SLC26A5: variants seen among roughly 807,000 people sequenced by gnomAD.
SLC26A5 encodes solute carrier family 26 member 5.
Under a neutral mutation model 81.0 loss-of-function variants are expected in SLC26A5, and 51 were observed. The observed-to-expected ratio is 0.63, with a 90% CI of 0.50 to 0.80. SLC26A5 has a LOEUF of 0.80. Ranked by LOEUF, SLC26A5 falls within the 30% of genes least tolerant of loss-of-function variation. The probability of loss-of-function intolerance (pLI) is 0.00; values close to 1 mark genes in which losing one functional copy is unlikely to be tolerated. For synonymous variants in SLC26A5, 325 were observed against 332.8 expected, an observed-to-expected ratio of 0.98 and a Z score of 0.25; for missense variants, 771 against 905.8, an observed-to-expected ratio of 0.85 and a Z score of 1.91.
At chr7:103,380,681 T>C (rs926604377) in intron 14 of SLC26A5, 132 bp from the exon 15 acceptor site, 2 of 772,500 alleles carry the variant, frequency 2.6e-6, no homozygotes, top group African/African-American at 3.4e-5. Flanking sequence ...CATGGTGCCT[T>C]TGCAGAAGGG....
chr7:103,374,420 A>C lies in SLC26A5; in HGVS notation c.2214T>G (p.Thr738=). 6.3e-7 allele frequency: 1 copy of C among 1,598,742 alleles called. No individual in the cohort carries two copies. The highest frequency in any genetic ancestry group is 2.2e-4 in the Middle Eastern group (1 of 4,642). ...TCATCTATGCCTCAGGAGTGGCAGGAGTGGCATTGGGCTCCAAGTCCTCCT... is the reference window on the plus strand; with the variant it reads ...TCATCTATGCCTCAGGAGTGGCAGGCGTGGCATTGGGCTCCAAGTCCTCCT... ...PSQEDLEPNA[T]PATPEA is the part of the protein sequence containing the mutation. The change falls in exon 20 of 20, where the codon ACT becomes ACG. Residue 738 remains threonine (T), a synonymous_variant. Coordinates refer to ENST00000306312, the MANE Select transcript of SLC26A5 (RefSeq NM_198999.3).
intron 8 of SLC26A5, among the ~76,000 whole-genome samples, chr7:103,404,083 T>C (rs1823830297): frequency 6.6e-6 from 1 of 151,980 alleles, no homozygotes; most frequent in East Asian, 1.9e-4. Context: ...CTCAGGAGGC[T>C]GAAGCAGGAG....
chr7:103,433,090 T>A (rs182328652), intron 2 of SLC26A5, among the ~76,000 whole-genome samples: 2 of 152,226 alleles, frequency 1.3e-5, no homozygotes, highest in Non-Finnish European at 2.9e-5. Flanking sequence ...ACTCTATTAA[T>A]GGACTAGACA....
At chr7:103,390,548 T>G in intron 11 of SLC26A5, 42 bp from the exon 12 acceptor site, 1 of 1,502,478 alleles carries the variant, frequency 6.7e-7, no homozygotes, top group Non-Finnish European at 9.3e-7. Context: ...TTAGGAGACT[T>G]GAATAAGAGG....
At chr7:103,396,251 C>T (rs564034299) in intron 9 of SLC26A5, among the ~76,000 whole-genome samples, 69 of 152,244 alleles carry the variant, frequency 4.5e-4, no homozygotes, top group Non-Finnish European at 6.3e-4. Flanking sequence ...TGTAAAATGG[C>T]ATAACTACTA....
At chr7:103,387,444 T>C (rs1220671765) in intron 14 of SLC26A5, among the ~76,000 whole-genome samples, 1 of 152,208 alleles carries the variant, frequency 6.6e-6, no homozygotes, top group Non-Finnish European at 1.5e-5. Context: ...TCATTTTCAT[T>C]TCCCTCTGTG....
intron 9 of SLC26A5, among the ~76,000 whole-genome samples, chr7:103,397,177 C>T (rs185225234): frequency 1.9e-3 from 277 of 145,354 alleles, no homozygotes; most frequent in African/African-American, 6.6e-3. Flanking sequence ...GAAGCTGAGG[C>T]GGGCGGATCA....
intron 11 of SLC26A5, among the ~76,000 whole-genome samples, 194 bp downstream of exon 11, chr7:103,391,428 T>C (rs1822643641): frequency 1.3e-5 from 2 of 152,246 alleles, no homozygotes; most frequent in South Asian, 2.1e-4. Context: ...CTGGAGAATA[T>C]ACCTCTTTCC....
At chr7:103,392,090 C>T (rs1001571312) in intron 10 of SLC26A5, among the ~76,000 whole-genome samples, 1 of 152,284 alleles carries the variant, frequency 6.6e-6, no homozygotes, top group African/African-American at 2.4e-5. Context: ...CTCTTGGCAT[C>T]TTTTTAATGC....
At chr7:103,428,041 T>C (rs773685713) in intron 2 of SLC26A5, among the ~76,000 whole-genome samples, 2 of 151,968 alleles carry the variant, frequency 1.3e-5, no homozygotes, top group Non-Finnish European at 2.9e-5. Flanking sequence ...TTAGTAGAGA[T>C]GGGGTTTCAC....
At chr7:103,394,646 T>C (rs994724324) in intron 9 of SLC26A5, among the ~76,000 whole-genome samples, 3 of 152,206 alleles carry the variant, frequency 2.0e-5, no homozygotes, top group Non-Finnish European at 4.4e-5. Flanking sequence ...AAGAACCTGC[T>C]TGTCTACAGC....
chr7:103,397,712 G>A (rs1244551513), intron 9 of SLC26A5, among the ~76,000 whole-genome samples: 1 of 94,184 alleles, frequency 1.1e-5, no homozygotes, highest in East Asian at 3.5e-4. Flanking sequence ...GTGAGACTTC[G>A]TCTCAAAAAA....
chr7:103,438,818 T>C (rs1826657788), intron 2 of SLC26A5, among the ~76,000 whole-genome samples: 1 of 152,240 alleles, frequency 6.6e-6, no homozygotes, highest in Admixed American at 6.5e-5. Flanking sequence ...ATAGTTCTGA[T>C]TTCTATCACC....
At chr7:103,354,806 C>T in intron 19 of SLC26A5, 4 of 1,045,418 alleles carry the variant, frequency 3.8e-6, no homozygotes, top group Non-Finnish European at 5.8e-6. Context: ...TAATTTTTAC[C>T]TGTAGTTTTA....
chr7:103,443,385 ATATAAT>A lies in SLC26A5; in HGVS notation c.-182-180_-182-175del, dbSNP rs201831684. ...GGCTTACATGCGATAGACTAATTAT[ATATAAT>A]TATATCTTCTTCCTAAGGGTGAACT... On this transcript the variant is annotated intron_variant, in intron 1 of 19. Transcript: ENST00000306312. 5.3e-3 allele frequency among the ~76,000 whole-genome samples: 802 copies of A among 152,318 alleles called. 7 individuals are homozygous for A. The highest frequency in any genetic ancestry group is 0.017 in the African/African-American group (722 of 41,572).
At chr7:103,354,395 T>C (rs981296410) in intron 19 of SLC26A5, among the ~76,000 whole-genome samples, 2 of 134,914 alleles carry the variant, frequency 1.5e-5, no homozygotes, top group Non-Finnish European at 3.1e-5. Flanking sequence ...TGAAACGGAG[T>C]GTTGCTCTTG....
intron 5 of SLC26A5, among the ~76,000 whole-genome samples, chr7:103,412,542 GTTTT>G (rs1244758241): frequency 8.2e-6 from 1 of 121,668 alleles, no homozygotes; most frequent in Non-Finnish European, 1.6e-5. Flanking sequence ...GAGGAGTGTA[GTTTT>G]TTTTTTGTTT....
chr7:103,443,865 C>T (rs1827067237), intron 1 of SLC26A5, among the ~76,000 whole-genome samples: 1 of 152,224 alleles, frequency 6.6e-6, no homozygotes, highest in South Asian at 2.1e-4. Flanking sequence ...CTTTCATAAC[C>T]TGGGCACCAG....
chr7:103,404,752 C>G (rs1175846375), intron 8 of SLC26A5, among the ~76,000 whole-genome samples: 1 of 152,162 alleles, frequency 6.6e-6, no homozygotes, highest in Non-Finnish European at 1.5e-5. Context: ...TGGAAGTTCT[C>G]CTGGATAATG....
Sources: gnomAD v4.1 joint callset for allele counts (sites outside exome capture counted in the v4.1 genomes callset) on GRCh38, gnomAD v4.1.1 for gene constraint, MANE v1.5 for transcripts, NCBI Gene and HGNC (gene_info 2026-07-23, HGNC 2026-07-21) for gene names.